The following ZXDC variants were observed in gnomAD, a reference collection of about 807,000 sequenced individuals.
ZXDC encodes ZXD family zinc finger C.
ZXDC carries 58 observed loss-of-function variants against 63.6 expected under a neutral mutation model. The ratio of observed to expected loss-of-function variants is 0.91; its 90% CI spans 0.74 to 1.13. The LOEUF (loss-of-function observed/expected upper bound fraction) is 1.13, where lower values mean the gene tolerates loss of function less well. ZXDC is among the 50% of genes most tolerant of loss of function. ZXDC has a pLI of 0.00. For missense variants in ZXDC, 1,133 were observed against 1,148.9 expected (o/e 0.99, Z 0.20); for synonymous variants, 561 against 496.1 (o/e 1.13, Z -1.74).
rs913618454 is a variant in ZXDC at position 126,454,844 on chromosome 3, C to A, written c.2212+4809G>T. On this transcript the variant is annotated intron_variant, in intron 7 of 9. Transcript: ENST00000389709. Reference sequence around the variant, plus strand: ...ACATTTTTACACTGAGAGAAAAATTCTTGTTTTATTCTAAGGGGAGAATCT... The same window carrying A: ...ACATTTTTACACTGAGAGAAAAATTATTGTTTTATTCTAAGGGGAGAATCT... The A allele has an allele frequency of 6.1e-5, 60 of 984,586 alleles. No homozygotes were observed. In the South Asian group the frequency reaches 2.7e-3, roughly 44 times the overall value. 61.0% of individuals were successfully genotyped at this position (984,586 alleles called of 1,614,324 possible).
intron 4 of ZXDC, among the ~76,000 whole-genome samples, chr3:126,467,181 G>A (rs760601431): frequency 6.6e-6 from 1 of 152,070 alleles, no homozygotes; most frequent in African/African-American, 2.4e-5. Context: ...CGAGGTGACT[G>A]GGCCACCCTG....
Position 126,454,311 on chromosome 3 carries a change from T to C in ZXDC, c.2212+5342A>G, listed in dbSNP as rs541926941. The C allele has an allele frequency of 6.1e-6, 6 of 984,614 alleles. No individual in the cohort carries two copies. The East Asian group carries it at 6.8e-4, about 112-fold the overall frequency. 61.0% of individuals were successfully genotyped at this position (984,614 alleles called of 1,614,324 possible). The stretch of plus-strand genomic sequence containing the variant: ...TTCTATTGGCTTTTACATTGTTTGA[T>C]ATTATACGTTTTCAAATAAATATTC... On this transcript the variant is annotated intron_variant, in intron 7 of 9. Transcript: ENST00000389709.
chr3:126,466,064 C>G (rs1576685886), intron 5 of ZXDC, 91 bp downstream of exon 5: 1 of 1,472,572 alleles, frequency 6.8e-7, no homozygotes, highest in Non-Finnish European at 9.2e-7. Flanking sequence ...CTGACGCCTT[C>G]CAAGAGGTGA....
In ZXDC at chr3:126,461,729, T is replaced by G; in HGVS notation, c.1933A>C (p.Thr645Pro). 6.2e-7 allele frequency: 1 copy of G among 1,613,312 alleles called. No individual in the cohort carries two copies. Among genetic ancestry groups the G allele is most frequent in the Non-Finnish European group, 8.5e-7 (1 of 1,179,792 alleles). ...GGGACACTGGCATTTTCTCGGGGGG[T>G]GCTCGAAGAGGTCGGTGTGGTGATA... ...AHITTPTSSS[T>P]PRENASVPEL... The change falls in exon 6 of 10, where the codon ACC becomes CCC. Residue 645 changes from threonine to proline, a missense_variant. Physicochemically the swap from Thr to Pro is conservative, Grantham distance 38. Transcript: ENST00000389709.
rs1323933651 is a variant in ZXDC at position 126,470,881 on chromosome 3, GT to G, written c.1270+13del. On this transcript the variant is annotated intron_variant, in intron 4 of 9. Transcript: ENST00000389709. ...CACTTAGTTTACTGCTCAAAGCAAT[GT>G]TTTAAAATCTACCTTCCACAGGACA... The G allele has an allele frequency of 3.1e-6, 5 of 1,613,728 alleles. No homozygotes were observed. Among genetic ancestry groups the G allele is most frequent in the Non-Finnish European group, 4.2e-6 (5 of 1,179,820 alleles).
chr3:126,438,458 C>A lies in ZXDC; in HGVS notation c.2494G>T (p.Val832Leu), dbSNP rs1482308284. Residue 832 changes from valine to leucine, a missense_variant, in exon 10 of 10, where the codon GTG becomes TTG. Physicochemically the swap from Val to Leu is conservative, Grantham distance 32 (BLOSUM62 1). Transcript: ENST00000389709. ...GCAGGGCCTCCAGATGAGGGGAGCACCTCCTGCAAAACCAAGCATTGTCAT... is the reference window on the plus strand; with the variant it reads ...GCAGGGCCTCCAGATGAGGGGAGCAACTCCTGCAAAACCAAGCATTGTCAT... ...VDLPVYVLQE[V>L]LPSSGGPAGP... The A allele has an allele frequency of 1.2e-6, 2 of 1,613,092 alleles. No individual in the cohort carries two copies. The highest frequency in any genetic ancestry group is 1.7e-6 in the Non-Finnish European group (2 of 1,179,528).
At chr3:126,459,076 A>G (rs1934419695) in intron 7 of ZXDC, 2 of 985,444 alleles carry the variant, frequency 2.0e-6, no homozygotes, top group Non-Finnish European at 1.2e-6. Context: ...AAAAAGATTT[A>G]GCAGTTTCCA....
At position 126,439,671 on chromosome 3, in the gene ZXDC, G is replaced by A; in HGVS notation, c.2451C>T (p.Leu817=). The stretch of plus-strand genomic sequence containing the variant: ...CGGGCAGGTCCACAGTGAGGAAGGG[G>A]AGGAAGGTGGCTGGGCCGCGGGCCG... The part of the protein sequence containing the change: ...LPSARGPATF[L]PFLTVDLPVY... Residue 817 remains leucine, a synonymous_variant, in exon 9 of 10, where the codon CTC becomes CTT. Transcript: ENST00000389709. 6.4e-7 allele frequency: 1 copy of A among 1,553,778 alleles called. No homozygotes were observed. The highest frequency in any genetic ancestry group is 8.7e-7 in the Non-Finnish European group (1 of 1,147,928).
chr3:126,453,545 T>G (rs987362674), intron 7 of ZXDC: 35 of 985,356 alleles, frequency 3.6e-5, no homozygotes, highest in Admixed American at 6.1e-5. Context: ...GACCCTCACA[T>G]GTAATCCACA....
intron 6 of ZXDC, chr3:126,460,163 G>A (rs904151549): frequency 1.2e-5 from 12 of 982,654 alleles, no homozygotes; most frequent in Non-Finnish European, 1.3e-5. Context: ...GAGACCCACT[G>A]TACAGGCTGC....
In ZXDC at chr3:126,475,135, C is replaced by A; in HGVS notation, c.731G>T (p.Gly244Val). 1 of 1,609,582 alleles carries A rather than the reference C, an allele frequency of 6.2e-7. No homozygotes were observed. Among genetic ancestry groups the A allele is most frequent in the Non-Finnish European group, 8.5e-7 (1 of 1,178,002 alleles). ...GACCGTAGTGAACTTCTTGCCACAG[C>A]CGCCCACTGGACAGCCGAAGGGCCG... ...KLRPFGCPVG[G>V]CGKKFTTVYN... The change falls in exon 1 of 10, where the codon GGC becomes GTC. Residue 244 changes from glycine (G) to valine (V), a missense_variant. Coordinates refer to ENST00000389709, the MANE Select transcript of ZXDC (RefSeq NM_025112.5).
At position 126,464,888 on chromosome 3, in the gene ZXDC, C is replaced by T. The variant is rs1028375995; in HGVS notation, c.1441+1267G>A. On this transcript the variant is annotated intron_variant, in intron 5 of 9. Coordinates refer to ENST00000389709, the MANE Select transcript of ZXDC (RefSeq NM_025112.5). ...CAATTTATTTAAATATAAAGCTGAA[C>T]GGCAACTGCTGTAAACTGTGAAAGA... 6.6e-5 allele frequency among the ~76,000 whole-genome samples: 10 copies of T among 152,304 alleles called. 1 individual carries two copies. The South Asian group carries it at 8.3e-4, about 13-fold the overall frequency.
intron 7 of ZXDC, among the ~76,000 whole-genome samples, chr3:126,445,835 C>A (rs958094316): frequency 1.3e-5 from 2 of 152,104 alleles, no homozygotes; most frequent in African/African-American, 4.8e-5. Context: ...CCTGACGGTA[C>A]ACCCTGAAGT....
At chr3:126,450,232 G>C (rs779445049) in intron 7 of ZXDC, 2 of 419,572 alleles carry the variant, frequency 4.8e-6, no homozygotes, top group African/African-American at 4.1e-5. Flanking sequence ...TTACCTGCCA[G>C]GGCTCCAACC....
intron 4 of ZXDC, among the ~76,000 whole-genome samples, chr3:126,467,632 AGCT>A (rs1341777581): frequency 6.6e-6 from 1 of 152,198 alleles, no homozygotes; most frequent in Non-Finnish European, 1.5e-5. Flanking sequence ...TTTCTAATAC[AGCT>A]GCAAACTCGT....
At chr3:126,468,396 T>C (rs1023787864) in intron 4 of ZXDC, among the ~76,000 whole-genome samples, 1 of 152,106 alleles carries the variant, frequency 6.6e-6, no homozygotes, top group Non-Finnish European at 1.5e-5. Context: ...GAAAAAATGG[T>C]GTCATCAGCC....
At position 126,472,228 on chromosome 3, in the gene ZXDC, A is replaced by G. The variant is rs769075737; in HGVS notation, c.985T>C (p.Ser329Pro). The G allele has an allele frequency of 1.9e-6, 3 of 1,613,616 alleles. No homozygotes were observed. The highest frequency in any genetic ancestry group is 2.2e-5 in the East Asian group (1 of 44,898). The stretch of plus-strand genomic sequence containing the variant: ...TTGCTGCACCCAGGAAAGGAGCAGG[A>G]AAAGAGCTCTTGTTCCCTGAAGTGG... Reference protein sequence around the residue: ...RAHFREQELFSCSFPGCSKQY... With the variant: ...RAHFREQELFPCSFPGCSKQY... The change falls in exon 2 of 10, where the codon TCC (serine) becomes CCC (proline). Residue 329 changes from serine to proline, a missense_variant. Ser to Pro is a moderately conservative substitution (Grantham distance 74, BLOSUM62 -1). Coordinates refer to ENST00000389709, the MANE Select transcript of ZXDC (RefSeq NM_025112.5).
chr3:126,462,200 C>G lies in ZXDC; in HGVS notation c.1462G>C (p.Ala488Pro), dbSNP rs1934582969. Residue 488 changes from alanine (A) to proline (P), a missense_variant, in exon 6 of 10, where the codon GCT (alanine) becomes CCT (proline). Coordinates refer to ENST00000389709, the MANE Select transcript of ZXDC (RefSeq NM_025112.5). ...CTGCTGGGAGTAAGAGAACTCGGAG[C>G]TTCTAGCTGAGGTAAGAGATCTGAA... ...RRQDLLPQLE[A>P]PSSLTPSSEL... is the part of the protein sequence containing the mutation. 2 of 1,597,790 alleles carry G rather than the reference C, an allele frequency of 1.3e-6. No individual in the cohort carries two copies. The highest frequency in any genetic ancestry group is 1.7e-6 in the Non-Finnish European group (2 of 1,174,152).
intron 8 of ZXDC, chr3:126,440,732 C>G (rs1208362032): frequency 7.9e-5 from 78 of 986,010 alleles, no homozygotes; most frequent in Non-Finnish European, 8.7e-5. Context: ...CAGCCCCCAT[C>G]TGACGCTCAC....
Sources: gnomAD v4.1 joint callset for allele counts (sites outside exome capture counted in the v4.1 genomes callset) on GRCh38, gnomAD v4.1.1 for gene constraint, MANE v1.5 for transcripts, NCBI Gene and HGNC (gene_info 2026-07-23, HGNC 2026-07-21) for gene names.